The following HGSNAT variants were observed in gnomAD, a reference collection of about 807,000 sequenced individuals.
HGSNAT encodes the protein heparan-alpha-glucosaminide N-acetyltransferase, also known as transmembrane protein 76.
Under a neutral mutation model 85.2 loss-of-function variants are expected in HGSNAT, and 59 were observed. The observed-to-expected ratio is 0.69, with a 90% CI of 0.56 to 0.86. The LOEUF (loss-of-function observed/expected upper bound fraction) is 0.86, where lower values mean the gene tolerates loss of function less well. HGSNAT is among the 40% of genes least tolerant of loss of function. HGSNAT has a pLI of 0.00. For missense variants in HGSNAT, 756 were observed against 777.1 expected (o/e 0.97, Z 0.32); for synonymous variants, 321 against 304.5 (o/e 1.05, Z -0.56).
At chr8:43,167,421 C>T (rs897639099) in intron 5 of HGSNAT, among the ~76,000 whole-genome samples, 2 of 152,170 alleles carry the variant, frequency 1.3e-5, no homozygotes, top group African/African-American at 4.8e-5. Flanking sequence ...CAGCAGCCAT[C>T]AACATGGAGG....
intron 5 of HGSNAT, among the ~76,000 whole-genome samples, chr8:43,166,845 T>G (rs541644244): frequency 6.6e-6 from 1 of 152,340 alleles, no homozygotes; most frequent in African/African-American, 2.4e-5. Context: ...ATTGAAAACC[T>G]TCTGGAAAGG....
At chr8:43,187,588 CTT>C (rs1424208240) in intron 11 of HGSNAT, among the ~76,000 whole-genome samples, 3 of 152,040 alleles carry the variant, frequency 2.0e-5, no homozygotes, top group South Asian at 2.1e-4. Flanking sequence ...GGTCTTGACT[CTT>C]TATCCAATTT....
chr8:43,199,266 T>C, intron 17 of HGSNAT, 122 bp from the exon 18 acceptor site: 1 of 656,914 alleles, frequency 1.5e-6, no homozygotes, highest in Non-Finnish European at 2.5e-6. Context: ...TTTTTGGCAG[T>C]AGCCAACAAT....
chr8:43,197,852 T>C lies in HGSNAT; in HGVS notation c.1626T>C (p.Tyr542=). 1 of 1,613,968 alleles carries C rather than the reference T, an allele frequency of 6.2e-7. No individual in the cohort carries two copies. Among genetic ancestry groups the C allele is most frequent in the Non-Finnish European group, 8.5e-7 (1 of 1,179,824 alleles). The change falls in exon 17 of 18, where the codon TAT becomes TAC. Residue 542 remains tyrosine, a synonymous_variant. Coordinates refer to ENST00000379644, the MANE Select transcript of HGSNAT (RefSeq NM_152419.3). ...CCACCCCTCCCAGGTCCCTTTCGTATGTCACTACGCTCAGTTCTTTTGCCT... is the reference window on the plus strand; with the variant it reads ...CCACCCCTCCCAGGTCCCTTTCGTACGTCACTACGCTCAGTTCTTTTGCCT... ...PVNKNLWSLS[Y]VTTLSSFAFF... is the part of the protein sequence containing the mutation.
chr8:43,192,480 T>A (rs1285108960), intron 13 of HGSNAT, 50 bp downstream of exon 13: 1 of 1,543,264 alleles, frequency 6.5e-7, no homozygotes. Flanking sequence ...CTTTCAGAAG[T>A]GAAGGAAAGT....
In HGSNAT at chr8:43,201,771, TG is replaced by T. The variant is rs1179093407; in HGVS notation, c.*2203del. 6.6e-6 allele frequency: 1 copy of T among 152,218 alleles called. No homozygotes were observed. The highest frequency in any genetic ancestry group is 1.9e-4 in the East Asian group (1 of 5,202). 9.4% of individuals were successfully genotyped at this position (152,218 alleles called of 1,614,324 possible). A position where few individuals can be genotyped will look rare whatever the true frequency, so the allele number is the denominator to read the frequency against. On this transcript the variant is annotated 3_prime_UTR_variant, in exon 18 of 18. Transcript: ENST00000379644. This position sits in a 1 kb window ranked among gnomAD's most constrained non-coding sequence, Gnocchi z 4.4. ...TTGTTGGTTTCTGTATTCCTCATGG[TG>T]CCAAACACAGTGCCTTCTACATTGC...
At position 43,201,736 on chromosome 8, in the gene HGSNAT, G is replaced by A. The variant is rs1804922728; in HGVS notation, c.*2167G>A. The A allele has an allele frequency of 1.3e-5, 2 of 152,236 alleles. No individual in the cohort carries two copies. The highest frequency in any genetic ancestry group is 2.9e-5 in the Non-Finnish European group (2 of 68,046). The allele number at this position is 152,236 out of a possible 1,614,324, so 9.4% of individuals were successfully genotyped here. On this transcript the variant is annotated 3_prime_UTR_variant, in exon 18 of 18. Coordinates refer to ENST00000379644, the MANE Select transcript of HGSNAT (RefSeq NM_152419.3). This position sits in a 1 kb window ranked among gnomAD's most constrained non-coding sequence, Gnocchi z 4.4. ...CTAGACTGTGAGCTTCCTAAGGCAA[G>A]AATCATGCCTTGTTGGTTTCTGTAT... is the stretch of plus-strand genomic sequence containing the variant.
chr8:43,161,227 G>A (rs1269854941), intron 4 of HGSNAT, among the ~76,000 whole-genome samples: 1 of 152,078 alleles, frequency 6.6e-6, no homozygotes, highest in African/African-American at 2.4e-5. Context: ...TATATATAGG[G>A]TGATGGTACC....
intron 2 of HGSNAT, among the ~76,000 whole-genome samples, chr8:43,157,967 C>G (rs899900593): frequency 4.6e-5 from 7 of 152,076 alleles, no homozygotes; most frequent in African/African-American, 1.7e-4. Context: ...TAGATAAAAT[C>G]ATGGAAACTT....
chr8:43,196,030 A>G (rs541356599), intron 14 of HGSNAT: 8 of 180,262 alleles, frequency 4.4e-5, no homozygotes, highest in African/African-American at 1.9e-4. Context: ...CTTTCTAGGT[A>G]GATCACTGGA....
At chr8:43,148,949 C>T (rs1484021161) in intron 2 of HGSNAT, among the ~76,000 whole-genome samples, 2 of 151,146 alleles carry the variant, frequency 1.3e-5, no homozygotes, top group African/African-American at 4.9e-5. Flanking sequence ...AACCCCGACT[C>T]TACTAAAAAT....
intron 5 of HGSNAT, among the ~76,000 whole-genome samples, chr8:43,163,939 G>A (rs1803349680): frequency 1.3e-5 from 2 of 152,082 alleles, no homozygotes; most frequent in South Asian, 4.1e-4. Context: ...GTATGCCTTG[G>A]GCATATGGAT....
Position 43,182,159 on chromosome 8 carries a change from G to A in HGSNAT, c.1027G>A (p.Val343Met), listed in dbSNP as rs1276314637. The A allele has an allele frequency of 3.7e-6, 6 of 1,613,768 alleles. No individual in the cohort carries two copies. In the African/African-American group the frequency reaches 5.3e-5, roughly 14 times the overall value. The change falls in exon 11 of 18, where the codon GTG becomes ATG. Residue 343 changes from valine to methionine, a missense_variant. Coordinates refer to ENST00000379644, the MANE Select transcript of HGSNAT (RefSeq NM_152419.3). ...GTCTTTTGCAGTGTCTTGGGACAAGGTGCGCATTCCTGGTGTGCTGCAGCG... is the reference window on the plus strand; with the variant it reads ...GTCTTTTGCAGTGTCTTGGGACAAGATGCGCATTCCTGGTGTGCTGCAGCG... Reference protein sequence around the residue: ...YCLGPLSWDKVRIPGVLQRLG... With the variant: ...YCLGPLSWDKMRIPGVLQRLG...
At chr8:43,191,398 T>C in intron 11 of HGSNAT, 76 bp from the exon 12 acceptor site, 1 of 1,545,414 alleles carries the variant, frequency 6.5e-7, no homozygotes, top group Non-Finnish European at 8.8e-7. Flanking sequence ...CACCGGGAAT[T>C]TCCTAAAGAC....
chr8:43,164,833 G>A (rs947921461), intron 5 of HGSNAT, among the ~76,000 whole-genome samples: 9 of 151,916 alleles, frequency 5.9e-5, no homozygotes, highest in African/African-American at 1.5e-4. Context: ...TTACTCAAAC[G>A]CTTAGAAGCC....
intron 2 of HGSNAT, among the ~76,000 whole-genome samples, chr8:43,153,056 GAA>G (rs1037618400): frequency 7.4e-6 from 1 of 135,158 alleles, no homozygotes; most frequent in Non-Finnish European, 1.6e-5. Context: ...TAGCTTAAAA[GAA>G]AAAAAAAAAG....
In HGSNAT at chr8:43,202,340, A is replaced by G. The variant is rs1804942483; in HGVS notation, c.*2771A>G. 6.6e-6 allele frequency: 1 copy of G among 152,338 alleles called. No individual in the cohort carries two copies. Among genetic ancestry groups the G allele is most frequent in the African/African-American group, 2.4e-5 (1 of 41,472 alleles). 9.4% of individuals were successfully genotyped at this position (152,338 alleles called of 1,614,324 possible). A position where few individuals can be genotyped will look rare whatever the true frequency, so the allele number is the denominator to read the frequency against. ...AGCTAGAAGCGCCTCGCTTGTCCCA[A>G]GACCAGCAGGGACAGGGAACTGTCC... On this transcript the variant is annotated 3_prime_UTR_variant, in exon 18 of 18. Coordinates refer to ENST00000379644, the MANE Select transcript of HGSNAT (RefSeq NM_152419.3).
chr8:43,197,597 T>C, intron 15 of HGSNAT, 75 bp from the exon 16 acceptor site: 5 of 1,010,004 alleles, frequency 5.0e-6, no homozygotes, highest in Non-Finnish European at 6.3e-6. Context: ...ATAACTAATA[T>C]ATATTGGTGT....
At chr8:43,161,580 A>G (rs1478113927) in intron 5 of HGSNAT, 73 bp downstream of exon 5, 3 of 1,129,488 alleles carry the variant, frequency 2.7e-6, no homozygotes, top group Non-Finnish European at 3.8e-6. Context: ...GGCAGCTGTC[A>G]CCCTCAAGTG....
Sources: gnomAD v4.1 joint callset for allele counts (sites outside exome capture counted in the v4.1 genomes callset) on GRCh38, gnomAD v4.1.1 for gene constraint, Gnocchi (gnomAD v3.1) non-coding constraint, MANE v1.5 for transcripts, NCBI Gene and HGNC (gene_info 2026-07-23, HGNC 2026-07-21) for gene names.